The following RNF138 variants were observed in gnomAD, a reference collection of about 807,000 sequenced individuals.
RNF138 encodes the protein ring finger protein 138.
In RNF138, 12 loss-of-function variants were observed where a neutral mutation model predicts 31.0. The observed-to-expected ratio is 0.39, with a 90% CI of 0.25 to 0.63. The LOEUF is 0.63. RNF138 is among the 20% of genes least tolerant of loss of function. The pLI, the probability that RNF138 is intolerant of heterozygous loss-of-function variation, is 0.52. For missense variants in RNF138, 192 were observed against 300.1 expected (o/e 0.64, Z 2.66); for synonymous variants, 105 against 99.5 (o/e 1.06, Z -0.33).
intron 2 of RNF138, among the ~76,000 whole-genome samples, chr18:32,102,705 T>G (rs904250813): frequency 3.3e-5 from 5 of 151,090 alleles, no homozygotes; most frequent in African/African-American, 1.2e-4. Flanking sequence ...CTATCTCGGC[T>G]CACTGAAACC....
rs1438150993 is a variant in RNF138 at position 32,131,529 on chromosome 18, CTTTA to C, written c.*2346_*2349del. The C allele has an allele frequency of 1.3e-5, 2 of 152,066 alleles. No homozygotes were observed. Among genetic ancestry groups the C allele is most frequent in the African/African-American group, 4.8e-5 (2 of 41,420 alleles). 9.4% of individuals were successfully genotyped at this position (152,066 alleles called of 1,614,324 possible). A position where few individuals can be genotyped will look rare whatever the true frequency, so the allele number is the denominator to read the frequency against. On this transcript the variant is annotated 3_prime_UTR_variant, in exon 8 of 8. Coordinates refer to ENST00000261593, the MANE Select transcript of RNF138 (RefSeq NM_016271.5). ...ACAGAGTCTTATTTGAGATGTATTG[CTTTA>C]TTTTTCAATTAAAAGTGGTTTTCTC...
intron 2 of RNF138, among the ~76,000 whole-genome samples, chr18:32,104,029 T>C (rs1359232715): frequency 6.7e-6 from 1 of 149,222 alleles, no homozygotes; most frequent in Non-Finnish European, 1.5e-5. Context: ...TTTTTTTTTT[T>C]TGGAGGCAGA....
intron 2 of RNF138, among the ~76,000 whole-genome samples, chr18:32,093,103 A>T (rs1405968186): frequency 1.5e-5 from 2 of 132,528 alleles, no homozygotes; most frequent in Non-Finnish European, 3.1e-5. Flanking sequence ...CCCTCAGCCC[A>T]AGCTCCCGCT....
chr18:32,102,109 C>T (rs1333582892), intron 2 of RNF138, among the ~76,000 whole-genome samples: 2 of 150,920 alleles, frequency 1.3e-5, no homozygotes, highest in Non-Finnish European at 2.9e-5. Flanking sequence ...CCTCAAACTC[C>T]TGGACTCAAG....
chr18:32,098,590 C>T (rs183759739), intron 2 of RNF138, among the ~76,000 whole-genome samples: 5 of 152,050 alleles, frequency 3.3e-5, no homozygotes, highest in African/African-American at 1.2e-4. Flanking sequence ...CAGTGGCTCA[C>T]GCCTGTCATC....
chr18:32,111,967 C>T, intron 3 of RNF138, 48 bp downstream of exon 3: 109 of 1,380,980 alleles, frequency 7.9e-5, no homozygotes, highest in South Asian at 3.7e-4. Context: ...AGTTTCTACT[C>T]TGAAATTCTT....
At chr18:32,109,111 C>CT in intron 2 of RNF138, among the ~76,000 whole-genome samples, 1 of 152,092 alleles carries the variant, frequency 6.6e-6, no homozygotes, top group East Asian at 1.9e-4. Context: ...CATATCCTCC[C>CT]TAACACTTGG....
At chr18:32,122,988 AGTT>A (rs1334583144) in intron 4 of RNF138, among the ~76,000 whole-genome samples, 1 of 152,218 alleles carries the variant, frequency 6.6e-6, no homozygotes, top group Admixed American at 6.5e-5. Flanking sequence ...GGAGATGTTA[AGTT>A]GTTCTGTATA....
intron 2 of RNF138, among the ~76,000 whole-genome samples, chr18:32,100,766 G>A (rs951767034): frequency 6.6e-6 from 1 of 152,064 alleles, no homozygotes; most frequent in Non-Finnish European, 1.5e-5. Context: ...GTGAGCCCCC[G>A]CGCCCGGCCT....
chr18:32,128,134 T>C (rs2040413012), intron 7 of RNF138, among the ~76,000 whole-genome samples: 1 of 152,160 alleles, frequency 6.6e-6, no homozygotes, highest in African/African-American at 2.4e-5. Flanking sequence ...GAGGCCTTGA[T>C]TTTAAAGCGA....
chr18:32,098,932 GTT>G (rs2039866867), intron 2 of RNF138, among the ~76,000 whole-genome samples: 1 of 142,140 alleles, frequency 7.0e-6, no homozygotes, highest in East Asian at 2.0e-4. Flanking sequence ...TTTTTTTGAA[GTT>G]TTTTTGGGGA....
At chr18:32,124,431 C>T (rs2040354135) in intron 5 of RNF138, 1 of 226,124 alleles carries the variant, frequency 4.4e-6, no homozygotes, top group Non-Finnish European at 8.8e-6. Flanking sequence ...AAAACAACTA[C>T]AATTAAGTTT....
At chr18:32,114,145 T>A (rs945495606) in intron 4 of RNF138, among the ~76,000 whole-genome samples, 1 of 152,242 alleles carries the variant, frequency 6.6e-6, no homozygotes, top group Admixed American at 6.5e-5. Context: ...GATTTTTCTC[T>A]TACTGATTTT....
chr18:32,102,019 G>A (rs767885983), intron 2 of RNF138, among the ~76,000 whole-genome samples: 2 of 151,256 alleles, frequency 1.3e-5, no homozygotes, highest in Non-Finnish European at 2.9e-5. Context: ...TGGGACTACA[G>A]GCGTGCACCA....
intron 4 of RNF138, chr18:32,122,356 A>T (rs973568915): frequency 6.6e-6 from 1 of 152,252 alleles, no homozygotes. Context: ...AGTAGATGAT[A>T]TAGTACTCCT....
chr18:32,093,154 C>T (rs1449603351), intron 2 of RNF138, among the ~76,000 whole-genome samples: 2 of 152,128 alleles, frequency 1.3e-5, no homozygotes, highest in Non-Finnish European at 2.9e-5. Context: ...CTCTCCCTGG[C>T]TTTCGCGCCC....
At position 32,124,833 on chromosome 18, in the gene RNF138, G is replaced by T; in HGVS notation, c.549G>T (p.Gln183His). 2.6e-6 allele frequency: 4 copies of T among 1,530,192 alleles called. No individual in the cohort carries two copies. The highest frequency in any genetic ancestry group is 3.6e-6 in the Non-Finnish European group (4 of 1,103,604). The allele number at this position is 1,530,192 out of a possible 1,614,324, so 94.8% of individuals were successfully genotyped here. ...ACTGTAACAGTAATCACCTATTTCA[G>T]ATAGTTCCTGTGGTAAGTACATACG... The part of the protein sequence containing the change: ...LDHCNSNHLF[Q>H]IVPVTCPICV... Residue 183 changes from glutamine to histidine, a missense_variant, in exon 6 of 8, where the codon CAG (glutamine) becomes CAT (histidine). Transcript: ENST00000261593.
At chr18:32,111,637 T>G in intron 2 of RNF138, 117 bp from the exon 3 acceptor site, 1 of 808,704 alleles carries the variant, frequency 1.2e-6, no homozygotes. Context: ...TATGTACATA[T>G]GAGTAGCCTA....
At chr18:32,093,471 C>G (rs368237775) in intron 2 of RNF138, among the ~76,000 whole-genome samples, 2 of 152,174 alleles carry the variant, frequency 1.3e-5, no homozygotes, top group African/African-American at 4.8e-5. Context: ...CGTTTTGTTT[C>G]GTTTCCAGTC....
Sources: allele counts gnomAD v4.1 joint callset (sites outside exome capture counted in the v4.1 genomes callset), GRCh38; gene constraint gnomAD v4.1.1; transcripts MANE v1.5; gene names NCBI Gene and HGNC (gene_info 2026-07-23, HGNC 2026-07-21).